The following ITK variants were observed in gnomAD, a reference collection of about 807,000 sequenced individuals.
ITK encodes the protein tyrosine-protein kinase ITK/TSK.
In ITK, 45 loss-of-function variants were observed where a neutral mutation model predicts 87.6. The observed-to-expected ratio is 0.51, with a 90% CI of 0.40 to 0.66. The LOEUF is 0.66. Among genes scored for constraint, ITK ranks in the 30% least tolerant of loss-of-function variants. ITK has a pLI of 0.00. For synonymous variants in ITK, 303 were observed against 273.6 expected (o/e 1.11, Z -1.06); for missense variants, 605 against 766.3 (o/e 0.79, Z 2.48).
At chr5:157,203,749 T>C (rs191144496) in intron 1 of ITK, among the ~76,000 whole-genome samples, 1 of 152,330 alleles carries the variant, frequency 6.6e-6, no homozygotes, top group Admixed American at 6.5e-5. Context: ...AGAAGATAGT[T>C]TGAGCCCAAA....
intron 1 of ITK, among the ~76,000 whole-genome samples, chr5:157,190,762 G>A (rs1221628729): frequency 5.9e-5 from 9 of 152,048 alleles, no homozygotes; most frequent in African/African-American, 1.7e-4. Flanking sequence ...CAGAGGGAAC[G>A]GCAAGTACAA....
At chr5:157,187,130 C>G (rs1466826640) in intron 1 of ITK, among the ~76,000 whole-genome samples, 2 of 152,236 alleles carry the variant, frequency 1.3e-5, no homozygotes, top group Non-Finnish European at 2.9e-5. Flanking sequence ...CTTGATGTCC[C>G]TAGACTAAGT....
chr5:157,233,012 A>G (rs1754690434), intron 8 of ITK, among the ~76,000 whole-genome samples: 1 of 152,260 alleles, frequency 6.6e-6, no homozygotes, highest in Non-Finnish European at 1.5e-5. Context: ...TGCAGTGTGC[A>G]TAGCAGGACC....
intron 1 of ITK, among the ~76,000 whole-genome samples, chr5:157,187,613 A>G (rs1303665506): frequency 2.6e-5 from 4 of 152,142 alleles, no homozygotes; most frequent in Admixed American, 2.6e-4. Context: ...GAAGAGGAAG[A>G]TTCAGATATT....
In ITK at chr5:157,240,073, C is replaced by A; in HGVS notation, c.863C>A (p.Pro288His). 4 of 1,611,638 alleles carry A rather than the reference C, an allele frequency of 2.5e-6. No homozygotes were observed. Among genetic ancestry groups the A allele is most frequent in the African/African-American group, 2.7e-5 (2 of 74,966 alleles). ...TTCATTTGTTTAAGTGAGAACAATC[C>A]CTGTATAAAGCATTATCACATCAAG... The part of the protein sequence containing the change: ...FTKAVVSENN[P>H]CIKHYHIKET... Residue 288 changes from proline to histidine, a missense_variant, in exon 10 of 17, where the codon CCC (proline) becomes CAC (histidine). This residue lies in a region of ITK where 464 missense variants were observed against 578.0 expected (regional missense o/e 0.80). Transcript: ENST00000422843.
intron 11 of ITK, among the ~76,000 whole-genome samples, chr5:157,242,353 T>C (rs768015836): frequency 4.8e-4 from 73 of 152,274 alleles, no homozygotes; most frequent in Non-Finnish European, 7.4e-4. Context: ...TCATTTCTTA[T>C]CTCCTAGCTT....
chr5:157,234,017 G>A (rs1224926797), intron 8 of ITK, among the ~76,000 whole-genome samples: 1 of 106,478 alleles, frequency 9.4e-6, no homozygotes, highest in African/African-American at 3.7e-5. Context: ...GTCTCCCTCT[G>A]TCACCCAGGC....
intron 5 of ITK, chr5:157,222,645 G>A (rs1167093042): frequency 3.4e-6 from 2 of 579,826 alleles, no homozygotes; most frequent in Non-Finnish European, 6.2e-6. Context: ...TCACGTGGCT[G>A]CTTGGAATTC....
chr5:157,244,071 A>G (rs1190964142), intron 12 of ITK, 191 bp from the exon 13 acceptor site: 2 of 686,844 alleles, frequency 2.9e-6, no homozygotes, highest in African/African-American at 1.8e-5. Flanking sequence ...TCACACACAC[A>G]GCTGACTCCT....
intron 10 of ITK, chr5:157,240,873 A>G (rs1055502236): frequency 5.3e-5 from 8 of 151,468 alleles, no homozygotes; most frequent in African/African-American, 2.0e-4. Flanking sequence ...CTCCCATCCC[A>G]CCAGGCCCCA....
Position 157,238,130 on chromosome 5 carries a change from G to A in ITK, c.790G>A (p.Val264Ile), listed in dbSNP as rs753847568. Reference sequence around the variant, plus strand: ...CCAGGGCAAAGAAGGAGCCTTCATGGTAAGGGATTCCAGGACTGCAGGAAC... The same window carrying A: ...CCAGGGCAAAGAAGGAGCCTTCATGATAAGGGATTCCAGGACTGCAGGAAC... ...LDTGKEGAFM[V>I]RDSRTAGTYT... The change falls in exon 9 of 17, where the codon GTA (valine) becomes ATA (isoleucine). Residue 264 changes from valine (V) to isoleucine (I), a missense_variant. Coordinates refer to ENST00000422843, the MANE Select transcript of ITK (RefSeq NM_005546.4). 21 of 1,613,838 alleles carry A rather than the reference G, an allele frequency of 1.3e-5. No individual in the cohort carries two copies. Among genetic ancestry groups the A allele is most frequent in the South Asian group, 1.2e-4 (11 of 91,080 alleles).
At chr5:157,238,593 A>T (rs2113771310) in intron 9 of ITK, among the ~76,000 whole-genome samples, 1 of 152,316 alleles carries the variant, frequency 6.6e-6, no homozygotes, top group Non-Finnish European at 1.5e-5. Context: ...AGTCTTTATT[A>T]TGTGCCAGAA....
At chr5:157,194,032 A>G (rs77662710) in intron 1 of ITK, among the ~76,000 whole-genome samples, 3 of 152,324 alleles carry the variant, frequency 2.0e-5, no homozygotes, top group Non-Finnish European at 2.9e-5. Context: ...GACGGTAAGT[A>G]ATTTACCCAA....
chr5:157,185,417 T>G (rs978271481), intron 1 of ITK, among the ~76,000 whole-genome samples: 6 of 151,946 alleles, frequency 3.9e-5, no homozygotes, highest in Non-Finnish European at 8.8e-5. Context: ...TTTTGTATTT[T>G]TTTTTAGTAG....
At chr5:157,222,323 G>A (rs1216383028) in intron 5 of ITK, among the ~76,000 whole-genome samples, 1 of 152,152 alleles carries the variant, frequency 6.6e-6, no homozygotes, top group African/African-American at 2.4e-5. Flanking sequence ...AAGGAAGGGA[G>A]ACAGGTGCTA....
At chr5:157,245,827 AT>A in intron 14 of ITK, 37 bp downstream of exon 14, 1 of 1,607,816 alleles carries the variant, frequency 6.2e-7, no homozygotes, top group Non-Finnish European at 8.5e-7. Context: ...AGTCTCAGGA[AT>A]GGGACTGAGG....
At chr5:157,201,300 C>CTTTTTTT (rs34626223) in intron 1 of ITK, among the ~76,000 whole-genome samples, 4 of 128,528 alleles carry the variant, frequency 3.1e-5, no homozygotes, top group African/African-American at 5.9e-5. Flanking sequence ...TAAATTTCCA[C>CTTTTTTT]TTTTTTTTTT....
intron 13 of ITK, chr5:157,245,277 C>A: frequency 4.4e-6 from 1 of 229,190 alleles, no homozygotes; most frequent in South Asian, 6.0e-5. Context: ...TCTCCAATGG[C>A]TTTTTCAATG....
intron 1 of ITK, among the ~76,000 whole-genome samples, chr5:157,206,070 C>T (rs1754074115): frequency 6.7e-6 from 1 of 149,640 alleles, no homozygotes; most frequent in African/African-American, 2.5e-5. Context: ...CTGTCCACCT[C>T]AGCCTCCCGA....
Sources: gnomAD v4.1 joint callset for allele counts (sites outside exome capture counted in the v4.1 genomes callset) on GRCh38, gnomAD v4.1.1 for gene constraint, gnomAD v4.1.1 regional missense constraint, MANE v1.5 for transcripts, NCBI Gene and HGNC (gene_info 2026-07-23, HGNC 2026-07-21) for gene names.